The following PNPLA4 variants were observed in gnomAD, a reference collection of about 807,000 sequenced individuals.
The protein encoded by PNPLA4 is patatin-like phospholipase domain-containing protein 4.
A neutral mutation model predicts 18.3 loss-of-function variants in PNPLA4; 15 were observed. The observed-to-expected ratio is 0.82, with a 90% CI of 0.55 to 1.26. The LOEUF (loss-of-function observed/expected upper bound fraction) is 1.26, where lower values mean the gene tolerates loss of function less well. PNPLA4 is among the 50% of genes most tolerant of loss of function. PNPLA4 has a pLI of 0.00. For missense variants in PNPLA4, 229 were observed against 196.8 expected, an observed-to-expected ratio of 1.16 and a Z score of -0.98; for synonymous variants, 88 against 85.6, an observed-to-expected ratio of 1.03 and a Z score of -0.16.
intron 4 of PNPLA4, among the ~76,000 whole-genome samples, chrX:7,917,548 G>A (rs997897634): frequency 1.2e-4 from 13 of 111,847 alleles, no homozygotes; most frequent in African/African-American, 3.6e-4. Flanking sequence ...TATGTTATTC[G>A]TTCATTATTT....
At chrX:7,904,517 C>G (rs1923647175) in intron 5 of PNPLA4, among the ~76,000 whole-genome samples, 1 of 112,186 alleles carries the variant, frequency 8.9e-6, no homozygotes, top group Non-Finnish European at 1.9e-5. Context: ...ACCTCTTACT[C>G]CTGATTTATG....
At chrX:7,922,819 T>C (rs985921800) in intron 2 of PNPLA4, among the ~76,000 whole-genome samples, 3 of 111,775 alleles carry the variant, frequency 2.7e-5, no homozygotes, top group African/African-American at 6.5e-5. Context: ...ATGAATTAAT[T>C]TGGCAACCAA....
rs192769679 is a variant in PNPLA4, at chrX:7,922,955, G to A, written c.181-857C>T. Among the ~76,000 whole-genome samples the A allele has an allele frequency of 5.6e-3, 627 of 111,983 alleles. 7 individuals carry two copies. Among genetic ancestry groups the A allele is most frequent in the African/African-American group, 0.019 (596 of 30,817 alleles). ...AGAGGGCTATAAGAGCCCCCACAAGGGTGTGTTTGGCTCTCATTTAGTGCA... is the reference window on the plus strand; with the variant it reads ...AGAGGGCTATAAGAGCCCCCACAAGAGTGTGTTTGGCTCTCATTTAGTGCA... On this transcript the variant is annotated intron_variant, in intron 2 of 6. Transcript: ENST00000381042.
Position 7,900,551 on chromosome X carries a change from A to G in PNPLA4, c.*135T>C. 1 of 440,521 alleles carries G rather than the reference A, an allele frequency of 2.3e-6. No individual in the cohort carries two copies. The highest frequency in any genetic ancestry group is 3.8e-6 in the Non-Finnish European group (1 of 266,405). 36.3% of individuals were successfully genotyped at this position (440,521 alleles called of 1,213,427 possible). On this transcript the variant is annotated 3_prime_UTR_variant, in exon 7 of 7. Coordinates refer to ENST00000381042, the MANE Select transcript of PNPLA4 (RefSeq NM_004650.3). ...TATCCATGTGCTAAGTAATAATTCAAATATTAAAAATAAACACAAATATTA... is the reference window on the plus strand; with the variant it reads ...TATCCATGTGCTAAGTAATAATTCAGATATTAAAAATAAACACAAATATTA...
chrX:7,918,455 C>A (rs753518164), intron 4 of PNPLA4, among the ~76,000 whole-genome samples: 25 of 111,468 alleles, frequency 2.2e-4, no homozygotes, highest in Non-Finnish European at 4.0e-4. Context: ...CCCCATAATT[C>A]AATTATCTCC....
chrX:7,927,498 C>T (rs1330340777), upstream of PNPLA4: 1 of 113,600 alleles, frequency 8.8e-6, no homozygotes, highest in Non-Finnish European at 1.9e-5. Flanking sequence ...CCCGCCTGCT[C>T]TATTTAAACT....
At chrX:7,909,374 A>G (rs1295289659) in intron 5 of PNPLA4, among the ~76,000 whole-genome samples, 1 of 110,831 alleles carries the variant, frequency 9.0e-6, no homozygotes, top group Non-Finnish European at 1.9e-5. Flanking sequence ...CCCGGCTAAC[A>G]CGGTGAAACC....
At chrX:7,925,157 C>T (rs887827112) in intron 2 of PNPLA4, among the ~76,000 whole-genome samples, 1 of 112,360 alleles carries the variant, frequency 8.9e-6, no homozygotes, top group Admixed American at 9.4e-5. Context: ...AAGCAGCTCA[C>T]AAAAGATCTG....
At chrX:7,915,303 A>AG (rs1569105958) in intron 4 of PNPLA4, among the ~76,000 whole-genome samples, 2 of 4,397 alleles carry the variant, frequency 4.5e-4, no homozygotes, top group African/African-American at 3.4e-3. Flanking sequence ...CCTGGGGTGG[A>AG]GGGTGGGGGG....
chrX:7,913,486 G>C (rs1923941081), intron 4 of PNPLA4, among the ~76,000 whole-genome samples: 1 of 112,176 alleles, frequency 8.9e-6, no homozygotes, highest in African/African-American at 3.2e-5. Context: ...GCCCACAGAA[G>C]CTTCTGGGGC....
intron 4 of PNPLA4, among the ~76,000 whole-genome samples, chrX:7,919,894 T>C (rs1175151959): frequency 1.8e-5 from 2 of 111,982 alleles, no homozygotes; most frequent in East Asian, 5.6e-4. Flanking sequence ...TTTTCTTTTA[T>C]TTTAAATCGA....
At chrX:7,908,880 C>T (rs775391839) in intron 5 of PNPLA4, among the ~76,000 whole-genome samples, 1 of 111,471 alleles carries the variant, frequency 9.0e-6, no homozygotes, top group East Asian at 2.8e-4. Flanking sequence ...CCTGTGCGTT[C>T]CCTGCTGTTT....
At chrX:7,913,507 A>T (rs1923941575) in intron 4 of PNPLA4, among the ~76,000 whole-genome samples, 1 of 112,254 alleles carries the variant, frequency 8.9e-6, no homozygotes, top group African/African-American at 3.2e-5. Context: ...CTCAGGTTTC[A>T]GCAGTGGCAA....
At chrX:7,921,269 C>CAAAACA (rs377272002) in intron 4 of PNPLA4, among the ~76,000 whole-genome samples, 2,874 of 110,935 alleles carry the variant, frequency 0.026, 89 homozygotes, top group Admixed American at 0.099. Context: ...GACTCCATCT[C>CAAAACA]AAAACAAAAA....
chrX:7,919,474 C>T (rs367831522), intron 4 of PNPLA4, among the ~76,000 whole-genome samples: 1 of 112,359 alleles, frequency 8.9e-6, no homozygotes, highest in African/African-American at 3.2e-5. Context: ...TTCCGAGAAG[C>T]CTCTGTGCTT....
chrX:7,908,310 G>A (rs998094876), intron 5 of PNPLA4, among the ~76,000 whole-genome samples: 5 of 110,941 alleles, frequency 4.5e-5, no homozygotes, highest in African/African-American at 1.6e-4. Context: ...CTCCACTTTC[G>A]TCACTTCAGA....
intron 4 of PNPLA4, among the ~76,000 whole-genome samples, chrX:7,919,500 G>A (rs1924147068): frequency 8.9e-6 from 1 of 112,425 alleles, no homozygotes; most frequent in Non-Finnish European, 1.9e-5. Context: ...GCATGTGGTT[G>A]CTACATCTCC....
chrX:7,909,799 C>T (rs1331755227), intron 5 of PNPLA4, among the ~76,000 whole-genome samples: 1 of 110,910 alleles, frequency 9.0e-6, no homozygotes, highest in Non-Finnish European at 1.9e-5. Context: ...TACTGTAAGT[C>T]CCACAGTTAT....
intron 4 of PNPLA4, 65 bp from the exon 5 acceptor site, chrX:7,912,158 A>G: frequency 1.2e-6 from 1 of 836,439 alleles, no homozygotes; most frequent in Non-Finnish European, 1.8e-6. Flanking sequence ...AATACAGTTG[A>G]TGTAGTATTG....
Sources: allele counts gnomAD v4.1 joint callset (sites outside exome capture counted in the v4.1 genomes callset), GRCh38; gene constraint gnomAD v4.1.1; transcripts MANE v1.5; gene names NCBI Gene and HGNC (gene_info 2026-07-23, HGNC 2026-07-21).